The following MARCHF10 variants were observed in gnomAD, a reference collection of about 807,000 sequenced individuals.
MARCHF10 encodes membrane associated ring-CH-type finger 10.
Under a neutral mutation model 76.2 loss-of-function variants are expected in MARCHF10, and 64 were observed. The ratio of observed to expected loss-of-function variants is 0.84; its 90% CI spans 0.69 to 1.03. The LOEUF (loss-of-function observed/expected upper bound fraction) is 1.03, where lower values mean the gene tolerates loss of function less well. Ranked by LOEUF, MARCHF10 falls within the 50% of genes least tolerant of loss-of-function variation. MARCHF10 has a pLI of 0.00. For synonymous variants in MARCHF10, 340 were observed against 357.5 expected (o/e 0.95, Z 0.55); for missense variants, 875 against 958.0 (o/e 0.91, Z 1.14).
At chr17:62,715,950 G>A (rs9893851) in intron 8 of MARCHF10, among the ~76,000 whole-genome samples, 4,002 of 152,238 alleles carry the variant, frequency 0.026, 86 homozygotes, top group African/African-American at 0.06. Flanking sequence ...GTGCTGACCC[G>A]GCACCTAGAG....
chr17:62,801,872 A>G (rs761354660), intron 1 of MARCHF10, 120 bp from the exon 2 acceptor site: 1 of 754,608 alleles, frequency 1.3e-6, no homozygotes, highest in Non-Finnish European at 2.3e-6. Flanking sequence ...CTTGTTTGAA[A>G]GGCACAGATG....
chr17:62,746,676 C>G (rs1274647903), intron 4 of MARCHF10, among the ~76,000 whole-genome samples: 1 of 152,126 alleles, frequency 6.6e-6, no homozygotes, highest in African/African-American at 2.4e-5. Flanking sequence ...GAAGAAGGGC[C>G]AGGGAAGGGG....
intron 1 of MARCHF10, 76 bp from the exon 2 acceptor site, chr17:62,801,828 T>A: frequency 9.3e-7 from 1 of 1,070,070 alleles, no homozygotes; most frequent in Non-Finnish European, 1.5e-6. Flanking sequence ...TATTTTCATC[T>A]AATTGCTTTT....
chr17:62,702,494 A>G (rs1345455382), intron 10 of MARCHF10, among the ~76,000 whole-genome samples: 1 of 151,778 alleles, frequency 6.6e-6, no homozygotes, highest in East Asian at 1.9e-4. Flanking sequence ...GCAAAACCCC[A>G]TCTCTACTTA....
intron 8 of MARCHF10, among the ~76,000 whole-genome samples, chr17:62,713,964 G>A (rs953383375): frequency 1.1e-4 from 17 of 152,238 alleles, no homozygotes; most frequent in Admixed American, 3.9e-4. Context: ...TGCTACTGAC[G>A]GAAATTCTCA....
intron 3 of MARCHF10, among the ~76,000 whole-genome samples, chr17:62,767,990 C>A (rs2092371817): frequency 6.6e-6 from 1 of 152,122 alleles, no homozygotes; most frequent in South Asian, 2.1e-4. Context: ...CCCTGCACCT[C>A]TGCCTATCAC....
chr17:62,785,070 C>A (rs1401367567), intron 3 of MARCHF10, among the ~76,000 whole-genome samples: 3 of 152,150 alleles, frequency 2.0e-5, no homozygotes, highest in Non-Finnish European at 4.4e-5. Context: ...ATTGCCAAGA[C>A]AATCCTAAGC....
At chr17:62,782,105 C>T (rs753304388) in intron 3 of MARCHF10, among the ~76,000 whole-genome samples, 1 of 152,072 alleles carries the variant, frequency 6.6e-6, no homozygotes, top group South Asian at 2.1e-4. Context: ...TTCTGATTGA[C>T]GGAGAATCTT....
chr17:62,711,298 A>G lies in MARCHF10; in HGVS notation c.2261T>C (p.Leu754Pro). 6.2e-7 allele frequency: 1 copy of G among 1,614,154 alleles called. No individual in the cohort carries two copies. The highest frequency in any genetic ancestry group is 8.5e-7 in the Non-Finnish European group (1 of 1,179,984). The part of the protein sequence containing the change: ...MNSGLYLVLL[L>P]HLYEQRFAEL... ...TGCAAACCTCTGCTCATAGAGGTGAAGCAGCAGCACCAGGTACAAGCCTGA... is the reference window on the plus strand; with the variant it reads ...TGCAAACCTCTGCTCATAGAGGTGAGGCAGCAGCACCAGGTACAAGCCTGA... Residue 754 changes from leucine (L) to proline (P), a missense_variant, in exon 9 of 11, where the codon CTT becomes CCT. Leu to Pro is a moderately conservative substitution (Grantham distance 98). Coordinates refer to ENST00000311269, the MANE Select transcript of MARCHF10 (RefSeq NM_152598.4). The surrounding 1 kb of genome is among the most constrained non-coding windows in gnomAD (Gnocchi z 4.4).
Position 62,737,220 on chromosome 17 carries a change from A to G in MARCHF10, c.648T>C (p.Asp216=), listed in dbSNP as rs1423306395. The G allele has an allele frequency of 1.2e-6, 2 of 1,613,940 alleles. No homozygotes were observed. The highest frequency in any genetic ancestry group is 8.5e-7 in the Non-Finnish European group (1 of 1,180,000). The change falls in exon 6 of 11, where the codon GAT becomes GAC. Residue 216 remains aspartate, a synonymous_variant. Transcript: ENST00000311269. Reference sequence around the variant, plus strand: ...CACTCGGGTCTCCTTTTTTGGCTCTATCAGGGGCGTTCTCAGTCATTGGCT... The same window carrying G: ...CACTCGGGTCTCCTTTTTTGGCTCTGTCAGGGGCGTTCTCAGTCATTGGCT... ...SSQPMTENAP[D]RAKKGDPSAP... is the part of the protein sequence containing the mutation.
intron 9 of MARCHF10, among the ~76,000 whole-genome samples, chr17:62,708,118 T>TA (rs2089700400): frequency 6.6e-6 from 1 of 152,164 alleles, no homozygotes; most frequent in South Asian, 2.1e-4. Flanking sequence ...AGAAAATCTT[T>TA]GAGTAAATAA....
intron 2 of MARCHF10, among the ~76,000 whole-genome samples, chr17:62,796,157 C>T (rs764322954): frequency 1.4e-4 from 21 of 152,048 alleles, no homozygotes; most frequent in Non-Finnish European, 2.8e-4. Context: ...GTGTGCACCA[C>T]CACACCCGTC....
At chr17:62,746,091 AAT>A (rs1181336448) in intron 4 of MARCHF10, among the ~76,000 whole-genome samples, 1 of 152,220 alleles carries the variant, frequency 6.6e-6, no homozygotes, top group African/African-American at 2.4e-5. Context: ...TAGTCGTGTG[AAT>A]AGTTTTCCTC....
At chr17:62,782,471 C>T (rs2092676286) in intron 3 of MARCHF10, among the ~76,000 whole-genome samples, 1 of 151,676 alleles carries the variant, frequency 6.6e-6, no homozygotes. Context: ...CCTCAGCCTC[C>T]CAAGTAGCTG....
At chr17:62,776,706 G>A (rs1337265683) in intron 3 of MARCHF10, among the ~76,000 whole-genome samples, 2 of 152,148 alleles carry the variant, frequency 1.3e-5, no homozygotes, top group African/African-American at 4.8e-5. Context: ...TGAGTTATCT[G>A]GCGGAATCTT....
At chr17:62,706,402 C>T (rs1307953270) in intron 9 of MARCHF10, 3 of 152,234 alleles carry the variant, frequency 2.0e-5, no homozygotes, top group Non-Finnish European at 2.9e-5. Flanking sequence ...CCACCTGCCT[C>T]TAGATTCTGT....
chr17:62,754,685 C>T (rs1022281792), intron 4 of MARCHF10, among the ~76,000 whole-genome samples: 2 of 151,902 alleles, frequency 1.3e-5, no homozygotes, highest in African/African-American at 2.4e-5. Context: ...CTGGGCTCTG[C>T]GACAACCCCG....
intron 6 of MARCHF10, chr17:62,735,107 C>T (rs1379013614): frequency 1.3e-5 from 2 of 152,148 alleles, no homozygotes; most frequent in African/African-American, 2.4e-5. Flanking sequence ...ATTTTCCTCT[C>T]GTTTTTACCT....
intron 8 of MARCHF10, among the ~76,000 whole-genome samples, chr17:62,713,245 C>G (rs1480963082): frequency 2.0e-5 from 3 of 152,194 alleles, no homozygotes; most frequent in Non-Finnish European, 4.4e-5. Context: ...CTCACCAGTG[C>G]TCTTTGCCAG....
Sources: gnomAD v4.1 joint callset for allele counts (sites outside exome capture counted in the v4.1 genomes callset) on GRCh38, gnomAD v4.1.1 for gene constraint, Gnocchi (gnomAD v3.1) non-coding constraint, MANE v1.5 for transcripts, NCBI Gene and HGNC (gene_info 2026-07-23, HGNC 2026-07-21) for gene names.